Variants in ZFAT observed in about 807,000 individuals in gnomAD.
ZFAT encodes zinc finger protein ZFAT.
ZFAT carries 64 observed loss-of-function variants against 117.7 expected under a neutral mutation model. That is an observed-to-expected ratio of 0.54 (90% CI 0.44 to 0.67). The LOEUF is 0.67. Among genes scored for constraint, ZFAT ranks in the 30% least tolerant of loss-of-function variants. The probability of loss-of-function intolerance (pLI) is 0.00; values close to 1 mark genes in which losing one functional copy is unlikely to be tolerated. For synonymous variants in ZFAT, 679 were observed against 615.0 expected (o/e 1.10, Z -1.54); for missense variants, 1,433 against 1,584.5 (o/e 0.90, Z 1.62).
chr8:134,520,763 T>G lies in ZFAT; in HGVS notation c.3234+120A>C, dbSNP rs1820598537. The stretch of plus-strand genomic sequence containing the variant: ...CATCATTTGAAAACGTTTCAGAAGT[T>G]CCCCAAACAGAAAATCTAATGTTCT... On this transcript the variant is annotated intron_variant, in intron 13 of 15. Transcript: ENST00000377838. 10 of 771,314 alleles carry G rather than the reference T, an allele frequency of 1.3e-5. No homozygotes were observed. The South Asian group carries it at 1.8e-4, about 14-fold the overall frequency. 47.8% of individuals were successfully genotyped at this position (771,314 alleles called of 1,614,324 possible).
chr8:134,830,400 A>G, the ZFAT span, among the ~76,000 whole-genome samples: 1 of 152,216 alleles, frequency 6.6e-6, no homozygotes, highest in Non-Finnish European at 1.5e-5. Context: ...TCTGGTACTG[A>G]AAACTTTTGG....
the ZFAT span, among the ~76,000 whole-genome samples, chr8:134,734,743 G>A: frequency 6.6e-6 from 1 of 152,194 alleles, no homozygotes; most frequent in African/African-American, 2.4e-5. Flanking sequence ...CATGTGTTCC[G>A]GGAAAGGCAG....
intron 3 of ZFAT, among the ~76,000 whole-genome samples, chr8:134,622,174 CTTTCGGTTTG>C (rs1829163775): frequency 6.6e-6 from 1 of 152,182 alleles, no homozygotes; most frequent in South Asian, 2.1e-4. Context: ...TTTCTGGTTT[CTTTCGGTTTG>C]TATTAATCAT....
chr8:134,650,234 T>C (rs2076367770), intron 2 of ZFAT, among the ~76,000 whole-genome samples: 1 of 151,754 alleles, frequency 6.6e-6, no homozygotes, highest in South Asian at 2.1e-4. Flanking sequence ...GTGATTCTTC[T>C]GCTGCCTCAG....
the ZFAT span, among the ~76,000 whole-genome samples, chr8:134,737,230 A>T: frequency 6.6e-6 from 1 of 152,246 alleles, no homozygotes; most frequent in East Asian, 1.9e-4. Context: ...TGGTGAGCCG[A>T]GATCACGCCA....
chr8:134,540,278 G>A (rs1270375792), intron 11 of ZFAT, among the ~76,000 whole-genome samples: 1 of 152,206 alleles, frequency 6.6e-6, no homozygotes, highest in Non-Finnish European at 1.5e-5. Flanking sequence ...GGAGTGTGGA[G>A]TCTGGAACTC....
At chr8:134,619,425 C>A (rs1280200344) in intron 3 of ZFAT, among the ~76,000 whole-genome samples, 2 of 152,126 alleles carry the variant, frequency 1.3e-5, no homozygotes, top group African/African-American at 2.4e-5. Flanking sequence ...GTCTAGTGCC[C>A]TAAGCTCTGT....
At chr8:134,776,318 C>T in the ZFAT span, among the ~76,000 whole-genome samples, 1 of 152,062 alleles carries the variant, frequency 6.6e-6, no homozygotes, top group East Asian at 1.9e-4. Context: ...GCTTTTCCTT[C>T]TTTGAGACAG....
At position 134,560,253 on chromosome 8, in the gene ZFAT, CCTCT is replaced by C. The variant is rs1014292620; in HGVS notation, c.2976+5076_2976+5079del. 1.1e-4 allele frequency among the ~76,000 whole-genome samples: 17 copies of C among 152,212 alleles called. No individual in the cohort carries two copies. In the East Asian group the frequency reaches 1.5e-3, roughly 14 times the overall value. ...CTCTCACTCTCTCTCTCTTTCCCTC[CCTCT>C]CTATCACTGACACCACCCATCCCAA... On this transcript the variant is annotated intron_variant, in intron 11 of 15. Coordinates refer to ENST00000377838, the MANE Select transcript of ZFAT (RefSeq NM_020863.4).
chr8:134,635,624 AGAGAGAGAGAGTCAGGGAGAGAGG>A (rs1332846214), intron 3 of ZFAT, among the ~76,000 whole-genome samples: 1 of 140,524 alleles, frequency 7.1e-6, no homozygotes, highest in Non-Finnish European at 1.5e-5. Flanking sequence ...AGACAGGGAG[AGAGAGAGAGAGTCAGGGAGAGAGG>A]GAGAGAGAGA....
At chr8:134,726,878 T>C in the ZFAT span, among the ~76,000 whole-genome samples, 8 of 152,108 alleles carry the variant, frequency 5.3e-5, no homozygotes, top group African/African-American at 7.2e-5. Context: ...CTGGAATTTA[T>C]AGGTAGAAGC....
Position 134,478,069 on chromosome 8 carries a change from G to C in ZFAT, c.*413C>G, listed in dbSNP as rs1817002892. On this transcript the variant is annotated 3_prime_UTR_variant, in exon 16 of 16. Coordinates refer to ENST00000377838, the MANE Select transcript of ZFAT (RefSeq NM_020863.4). The surrounding 1 kb of genome is among the most constrained non-coding windows in gnomAD (Gnocchi z 5.2). ...TGTGATGGCTGTCTCCCTCTCACCAGACTGCATAGCGGTTGCAGATGAACA... is the reference window on the plus strand; with the variant it reads ...TGTGATGGCTGTCTCCCTCTCACCACACTGCATAGCGGTTGCAGATGAACA... 4.7e-6 allele frequency: 1 copy of C among 212,560 alleles called. No individual in the cohort carries two copies. The highest frequency in any genetic ancestry group is 9.8e-5 in the South Asian group (1 of 10,250). The allele number at this position is 212,560 out of a possible 1,614,324, so 13.2% of individuals were successfully genotyped here.
At position 134,664,181 on chromosome 8, in the gene ZFAT, T is replaced by C. The variant is rs572708071; in HGVS notation, c.20-6444A>G. On this transcript the variant is annotated intron_variant, in intron 1 of 15. Transcript: ENST00000377838. ...TCCCTCATTCAATCCCCCACCTCTC[T>C]GCTGGCCAGCCCATGATCCCCACTC... is the stretch of plus-strand genomic sequence containing the variant. Among the ~76,000 whole-genome samples the C allele has an allele frequency of 6.0e-5, 9 of 150,908 alleles. No homozygotes were observed. The South Asian group carries it at 1.9e-3, about 32-fold the overall frequency.
intron 15 of ZFAT, among the ~76,000 whole-genome samples, chr8:134,501,873 C>T (rs573610512): frequency 4.5e-4 from 68 of 152,308 alleles, no homozygotes; most frequent in African/African-American, 1.6e-3. Context: ...GGATGGACTT[C>T]ACTCAATCCT....
chr8:134,635,244 G>A (rs1830137260), intron 3 of ZFAT, among the ~76,000 whole-genome samples: 1 of 152,166 alleles, frequency 6.6e-6, no homozygotes, highest in Non-Finnish European at 1.5e-5. Context: ...GGGCCTCCAG[G>A]GTCTGTGCTG....
intron 1 of ZFAT, among the ~76,000 whole-genome samples, chr8:134,709,891 T>C (rs1159806488): frequency 6.6e-6 from 1 of 152,174 alleles, no homozygotes; most frequent in Non-Finnish European, 1.5e-5. Flanking sequence ...TCTCAGCTCA[T>C]TTGCCACCTA....
intron 2 of ZFAT, among the ~76,000 whole-genome samples, chr8:134,645,392 T>G (rs1055380683): frequency 6.6e-6 from 1 of 152,134 alleles, no homozygotes; most frequent in African/African-American, 2.4e-5. Context: ...ATGAAAGACT[T>G]TTTAAAATTT....
chr8:134,533,075 G>A, intron 11 of ZFAT, 103 bp from the exon 12 acceptor site: 2 of 1,464,292 alleles, frequency 1.4e-6, no homozygotes, highest in Non-Finnish European at 1.8e-6. Context: ...AGCCTGAGAT[G>A]AGCAGGCCCC....
chr8:134,810,181 G>T, the ZFAT span, among the ~76,000 whole-genome samples: 7 of 152,142 alleles, frequency 4.6e-5, no homozygotes, highest in African/African-American at 1.7e-4. Context: ...ATCCTGGAGG[G>T]TAGCACTATA....
Sources: allele counts gnomAD v4.1 joint callset (sites outside exome capture counted in the v4.1 genomes callset), GRCh38; gene constraint gnomAD v4.1.1; non-coding constraint Gnocchi (gnomAD v3.1); transcripts MANE v1.5; gene names NCBI Gene and HGNC (gene_info 2026-07-23, HGNC 2026-07-21).